Variants in SHC3 observed in about 807,000 individuals in gnomAD.
The protein encoded by SHC3 is SHC-transforming protein 3.
In SHC3, 15 loss-of-function variants were observed where a neutral mutation model predicts 60.4. The ratio of observed to expected loss-of-function variants is 0.25; its 90% CI spans 0.17 to 0.38. The LOEUF (loss-of-function observed/expected upper bound fraction) is 0.38, where lower values mean the gene tolerates loss of function less well. Ranked by LOEUF, SHC3 falls within the 10% of genes least tolerant of loss-of-function variation. The pLI is 1.00. For synonymous variants in SHC3, 294 were observed against 325.9 expected (o/e 0.90, Z 1.05); for missense variants, 677 against 786.1 (o/e 0.86, Z 1.66).
At chr9:89,023,729 C>T (rs1826241781) in intron 11 of SHC3, among the ~76,000 whole-genome samples, 1 of 152,216 alleles carries the variant, frequency 6.6e-6, no homozygotes, top group Non-Finnish European at 1.5e-5. Flanking sequence ...GGTATGACCA[C>T]ATAGAGAAAA....
At chr9:89,159,620 G>A (rs773925331) in intron 1 of SHC3, among the ~76,000 whole-genome samples, 1 of 152,088 alleles carries the variant, frequency 6.6e-6, no homozygotes. Context: ...TAACTCGCAC[G>A]ATCACAAGGT....
chr9:89,033,019 C>A (rs371519647), intron 11 of SHC3, among the ~76,000 whole-genome samples: 1 of 143,240 alleles, frequency 7.0e-6, no homozygotes, highest in Non-Finnish European at 1.6e-5. Flanking sequence ...ACAAAAAAGC[C>A]CCCCCACCGA....
At chr9:89,119,276 G>A (rs1266973222) in intron 1 of SHC3, among the ~76,000 whole-genome samples, 1 of 152,022 alleles carries the variant, frequency 6.6e-6, no homozygotes, top group East Asian at 1.9e-4. Flanking sequence ...GATACAAGTA[G>A]AATATGCACA....
chr9:89,059,169 C>CGTGGTGTAGGACATGGTGGAGGACA lies in SHC3; in HGVS notation c.835+6335_835+6359dup, dbSNP rs1564108426. On this transcript the variant is annotated intron_variant, in intron 6 of 11. Transcript: ENST00000375835. ...GTGGTGGAGGATGGTGGTGGAGGAC[C>CGTGGTGTAGGACATGGTGGAGGACA]GTGGTGTAGGACATGGTGGAGGACA... 8.9e-5 allele frequency among the ~76,000 whole-genome samples: 8 copies of CGTGGTGTAGGACATGGTGGAGGACA among 89,614 alleles called. 1 individual carries two copies. 58.8% of individuals were successfully genotyped at this position (89,614 alleles called of 152,430 possible).
Position 89,051,899 on chromosome 9 carries a change from C to A in SHC3, c.962+138G>T. 4 of 1,250,556 alleles carry A rather than the reference C, an allele frequency of 3.2e-6. 1 individual carries two copies. The South Asian group carries it at 4.5e-5, about 14-fold the overall frequency. The allele number at this position is 1,250,556 out of a possible 1,614,324, so 77.5% of individuals were successfully genotyped here. On this transcript the variant is annotated intron_variant, in intron 7 of 11. Coordinates refer to ENST00000375835, the MANE Select transcript of SHC3 (RefSeq NM_016848.6). Reference sequence around the variant, plus strand: ...TGGCTTTCTGTGCCATATCCCAGCACCGACCAGGTGTCTCTGAGCCCAGGA... The same window carrying A: ...TGGCTTTCTGTGCCATATCCCAGCAACGACCAGGTGTCTCTGAGCCCAGGA...
intron 1 of SHC3, among the ~76,000 whole-genome samples, chr9:89,154,378 G>A (rs1826591867): frequency 6.6e-6 from 1 of 152,146 alleles, no homozygotes. Context: ...GCTGTTAAGG[G>A]TGAAGCCAAC....
In SHC3 at chr9:89,006,626, GTTATTATC is replaced by G. The variant is rs1825944720; in HGVS notation, c.*6813_*6820del. The G allele has an allele frequency of 6.6e-6, 1 of 152,216 alleles. No individual in the cohort carries two copies. The allele number at this position is 152,216 out of a possible 1,614,324, so 9.4% of individuals were successfully genotyped here. On this transcript the variant is annotated 3_prime_UTR_variant, in exon 12 of 12. Transcript: ENST00000375835. ...TTGCCATCCAAATGCTTTTTAAAAA[GTTATTATC>G]TTATTATTACACATTAAATTTACAT...
rs140148443 is a variant in SHC3 at position 89,029,209 on chromosome 9, GA to G, written c.1656+8783del. On this transcript the variant is annotated intron_variant, in intron 11 of 11. Coordinates refer to ENST00000375835, the MANE Select transcript of SHC3 (RefSeq NM_016848.6). ...TGAGATGAAAAAATATAGAAGGCAG[GA>G]AATTATCAAAAATATTATATAAGAA... 5.1e-4 allele frequency among the ~76,000 whole-genome samples: 78 copies of G among 151,504 alleles called. No individual in the cohort carries two copies. In the East Asian group the frequency reaches 0.014, roughly 28 times the overall value.
chr9:89,128,416 G>A lies in SHC3; in HGVS notation c.475-15790C>T, dbSNP rs145136194. 6.5e-3 allele frequency among the ~76,000 whole-genome samples: 985 copies of A among 152,228 alleles called. 7 individuals are homozygous for A. Among genetic ancestry groups the A allele is most frequent in the African/African-American group, 0.02 (828 of 41,548 alleles). ...AAGACAGTAGTGGTTCTCCCAGCAC[G>A]GAGTTTGAGATCTGAGAATGGACAG... On this transcript the variant is annotated intron_variant, in intron 1 of 11. Coordinates refer to ENST00000375835, the MANE Select transcript of SHC3 (RefSeq NM_016848.6).
chr9:89,178,432 A>C lies in SHC3; in HGVS notation c.29T>G (p.Phe10Cys). The C allele has an allele frequency of 6.6e-7, 1 of 1,513,166 alleles. No homozygotes were observed. The highest frequency in any genetic ancestry group is 8.9e-7 in the Non-Finnish European group (1 of 1,127,134). The allele number at this position is 1,513,166 out of a possible 1,614,324, so 93.7% of individuals were successfully genotyped here. The change falls in exon 1 of 12, where the codon TTC (phenylalanine) becomes TGC (cysteine). Residue 10 changes from phenylalanine to cysteine, a missense_variant. Phe to Cys is a radical substitution (Grantham distance 205, BLOSUM62 -2). Transcript: ENST00000375835. This position sits in a 1 kb window ranked among gnomAD's most constrained non-coding sequence, Gnocchi z 6.9. MLPRTKYNR[F>C]RNDSVTSVDD... ...GACCGATGTCACCGAGTCATTCCTG[A>C]AGCGGTTATACTTGGTGCGTGGAAG...
intron 6 of SHC3, among the ~76,000 whole-genome samples, chr9:89,058,335 CGGTGGTAGAGGAT>C (rs1824990341): frequency 7.5e-6 from 1 of 133,692 alleles, no homozygotes; most frequent in South Asian, 2.5e-4. Context: ...TGGTGGAGGA[CGGTGGTAGAGGAT>C]GGTGGCGTAG....
chr9:89,134,732 GC>G (rs1018035636), intron 1 of SHC3, among the ~76,000 whole-genome samples: 6 of 152,052 alleles, frequency 3.9e-5, no homozygotes, highest in African/African-American at 1.4e-4. Context: ...ACTAACGAAT[GC>G]AGGTTTCTGA....
chr9:89,050,254 T>C (rs189675642), intron 7 of SHC3, among the ~76,000 whole-genome samples: 6 of 152,300 alleles, frequency 3.9e-5, no homozygotes, highest in Non-Finnish European at 8.8e-5. Context: ...CCTGGAGTTG[T>C]GTATAGCATT....
intron 6 of SHC3, among the ~76,000 whole-genome samples, chr9:89,057,517 T>C (rs1193090585): frequency 6.6e-6 from 1 of 152,114 alleles, no homozygotes; most frequent in Non-Finnish European, 1.5e-5. Context: ...AGACTTCATA[T>C]ACTACCCTTG....
At chr9:89,093,611 C>T (rs143509210) in intron 2 of SHC3, among the ~76,000 whole-genome samples, 1 of 149,290 alleles carries the variant, frequency 6.7e-6, no homozygotes, top group African/African-American at 2.5e-5. Context: ...GGAAATTAAA[C>T]CAGCCAGCAC....
At chr9:89,102,718 G>T (rs781560290) in intron 2 of SHC3, among the ~76,000 whole-genome samples, 1 of 152,164 alleles carries the variant, frequency 6.6e-6, no homozygotes, top group South Asian at 2.1e-4. Context: ...GTACAGCAAA[G>T]TCATTTCATT....
chr9:89,132,216 C>T (rs1235624050), intron 1 of SHC3, among the ~76,000 whole-genome samples: 1 of 152,124 alleles, frequency 6.6e-6, no homozygotes, highest in Non-Finnish European at 1.5e-5. Context: ...TGTGAAGGAC[C>T]TCTTCAAGGA....
chr9:89,176,114 C>T (rs1005736198), intron 1 of SHC3, among the ~76,000 whole-genome samples: 8 of 152,150 alleles, frequency 5.3e-5, no homozygotes, highest in African/African-American at 1.9e-4. Context: ...ATTAGTCATG[C>T]CATGCACCCC....
chr9:89,116,230 C>A (rs529884113), intron 1 of SHC3, among the ~76,000 whole-genome samples: 3 of 152,168 alleles, frequency 2.0e-5, no homozygotes, highest in African/African-American at 7.2e-5. Context: ...TCACCAACAA[C>A]GTCACCATGT....
Sources: allele counts gnomAD v4.1 joint callset (sites outside exome capture counted in the v4.1 genomes callset), GRCh38; gene constraint gnomAD v4.1.1; non-coding constraint Gnocchi (gnomAD v3.1); transcripts MANE v1.5; gene names NCBI Gene and HGNC (gene_info 2026-07-23, HGNC 2026-07-21).